Variants in CCDC102B observed in about 807,000 individuals in gnomAD.
CCDC102B encodes coiled-coil domain containing 102B, also known as coiled-coil domain-containing protein 102B.
Under a neutral mutation model 57.4 loss-of-function variants are expected in CCDC102B, and 75 were observed. The ratio of observed to expected loss-of-function variants is 1.31; its 90% CI spans 1.08 to 1.58. The LOEUF (loss-of-function observed/expected upper bound fraction) is 1.58, where lower values mean the gene tolerates loss of function less well. Ranked by LOEUF, CCDC102B falls within the 40% of genes most tolerant of loss-of-function variation. CCDC102B has a pLI of 0.00. For missense variants in CCDC102B, 636 were observed against 582.6 expected, an observed-to-expected ratio of 1.09 and a Z score of -0.94; for synonymous variants, 206 against 201.9, an observed-to-expected ratio of 1.02 and a Z score of -0.17.
At chr18:68,785,231 T>C (rs2035158906) in intron 2 of CCDC102B, among the ~76,000 whole-genome samples, 1 of 152,076 alleles carries the variant, frequency 6.6e-6, no homozygotes. Context: ...CTATCATTGT[T>C]GGACATTTGG....
At chr18:68,847,055 G>C (rs1439986626) in intron 4 of CCDC102B, among the ~76,000 whole-genome samples, 1 of 151,672 alleles carries the variant, frequency 6.6e-6, no homozygotes, top group Non-Finnish European at 1.5e-5. Flanking sequence ...GTGTATTAAA[G>C]CATGGTATTA....
At chr18:69,050,161 G>A (rs764635906) in intron 7 of CCDC102B, among the ~76,000 whole-genome samples, 1 of 150,442 alleles carries the variant, frequency 6.6e-6, no homozygotes, top group Non-Finnish European at 1.5e-5. Context: ...AGTGTTGAAG[G>A]AGCAAATTAC....
Position 68,841,371 on chromosome 18 carries a change from C to T in CCDC102B, c.827+2445C>T, listed in dbSNP as rs181324726. On this transcript the variant is annotated intron_variant, in intron 3 of 7. Transcript: ENST00000360242. ...ATGAAACTTTATAGTTTTCTTTGCA[C>T]TCTGAGTACTGTTCAGTTTTATGAA... 2.6e-4 allele frequency among the ~76,000 whole-genome samples: 40 copies of T among 152,232 alleles called. 1 individual carries two copies. The highest frequency in any genetic ancestry group is 2.4e-3 in the Admixed American group (36 of 15,288).
intron 3 of CCDC102B, among the ~76,000 whole-genome samples, chr18:68,845,474 A>G (rs1316712712): frequency 6.6e-6 from 1 of 151,836 alleles, no homozygotes; most frequent in East Asian, 1.9e-4. Flanking sequence ...ATCTCTGCTA[A>G]TATCTCATTG....
chr18:69,001,136 G>T lies in CCDC102B; in HGVS notation c.1264-9798G>T, dbSNP rs115444590. ...ATGTGCTGCTATTTCTGCCCAGAGA[G>T]ACTTCCTCTCAATCATTCCTCTTCA... On this transcript the variant is annotated intron_variant, in intron 6 of 7. Coordinates refer to ENST00000360242, the MANE Select transcript of CCDC102B (RefSeq NM_024781.3). Among the ~76,000 whole-genome samples, 773 of 152,174 alleles carry T rather than the reference G, an allele frequency of 5.1e-3. 12 individuals are homozygous for T. The highest frequency in any genetic ancestry group is 0.017 in the African/African-American group (701 of 41,508).
intron 6 of CCDC102B, among the ~76,000 whole-genome samples, chr18:68,905,213 A>T (rs2040582606): frequency 1.7e-5 from 1 of 58,428 alleles, no homozygotes; most frequent in Non-Finnish European, 3.7e-5. Context: ...TATATTTAAT[A>T]AAATACCATA....
chr18:68,764,784 A>G (rs564281855), intron 2 of CCDC102B, among the ~76,000 whole-genome samples: 1 of 152,028 alleles, frequency 6.6e-6, no homozygotes, highest in East Asian at 1.9e-4. Context: ...TGACATAATA[A>G]GAAAATAATG....
rs191199488 is a variant in CCDC102B at position 68,731,628 on chromosome 18, A to G, written c.-67+15034A>G. Among the ~76,000 whole-genome samples the G allele has an allele frequency of 1.4e-4, 21 of 151,374 alleles. No individual in the cohort carries two copies. In the East Asian group the frequency reaches 2.5e-3, roughly 18 times the overall value. On this transcript the variant is annotated intron_variant, in intron 2 of 3. Coordinates refer to the CCDC102B transcript ENST00000578970. The stretch of plus-strand genomic sequence containing the variant: ...AACAATTTTATATATGTATGTATAC[A>G]TATATAATATAATATAAACAATTTT...
chr18:68,842,425 C>T (rs777746646), intron 3 of CCDC102B, among the ~76,000 whole-genome samples: 4 of 151,752 alleles, frequency 2.6e-5, no homozygotes, highest in Non-Finnish European at 2.9e-5. Context: ...TTTGGCAATT[C>T]ACTGCCAAAT....
exon 1 of CCDC102B, chr18:68,715,292 A>G (rs2031873076): frequency 8.1e-7 from 1 of 1,237,568 alleles, no homozygotes; most frequent in Non-Finnish European, 1.0e-6. Flanking sequence ...TTACTAGGGA[A>G]AACGGTGCTG....
intron 1 of CCDC102B, among the ~76,000 whole-genome samples, chr18:68,804,195 G>A (rs2035952095): frequency 6.6e-6 from 1 of 152,186 alleles, no homozygotes; most frequent in Non-Finnish European, 1.5e-5. Flanking sequence ...AAGGAATCAA[G>A]GGTAACCCCT....
intron 1 of CCDC102B, among the ~76,000 whole-genome samples, chr18:68,810,676 C>G (rs61215291): frequency 0.31 from 17,948 of 57,042 alleles, 1,828 homozygotes; most frequent in Middle Eastern, 0.43. Flanking sequence ...CTTTTCTTTT[C>G]TTTGTTTTTT....
intron 2 of CCDC102B, among the ~76,000 whole-genome samples, chr18:68,790,632 G>GAACT (rs2035419986): frequency 6.6e-6 from 1 of 152,160 alleles, no homozygotes; most frequent in Admixed American, 6.5e-5. Flanking sequence ...CTCGGAAAGG[G>GAACT]AACTCCCTGA....
At chr18:68,805,527 T>C (rs1000601564) in intron 1 of CCDC102B, among the ~76,000 whole-genome samples, 6 of 151,970 alleles carry the variant, frequency 3.9e-5, no homozygotes, top group Admixed American at 1.3e-4. Flanking sequence ...GAGCACAGAA[T>C]AGGGAGGAGA....
intron 3 of CCDC102B, among the ~76,000 whole-genome samples, chr18:68,844,689 T>C (rs2144812180): frequency 6.6e-6 from 1 of 151,952 alleles, no homozygotes; most frequent in East Asian, 1.9e-4. Flanking sequence ...TTTGTACATA[T>C]ACTTTCTAAA....
intron 7 of CCDC102B, among the ~76,000 whole-genome samples, chr18:69,023,166 C>G (rs2051893780): frequency 6.6e-6 from 1 of 152,114 alleles, no homozygotes; most frequent in Admixed American, 6.5e-5. Context: ...ATCTGGAGGT[C>G]AGCTCTGACA....
At chr18:68,807,856 A>T (rs569720126) in intron 1 of CCDC102B, among the ~76,000 whole-genome samples, 1 of 152,270 alleles carries the variant, frequency 6.6e-6, no homozygotes, top group Admixed American at 6.5e-5. Flanking sequence ...GAAAACCAGA[A>T]ATATAAACAC....
intron 7 of CCDC102B, among the ~76,000 whole-genome samples, chr18:69,029,726 A>G (rs2052088141): frequency 6.6e-6 from 1 of 152,214 alleles, no homozygotes; most frequent in Non-Finnish European, 1.5e-5. Flanking sequence ...TTGATAGGTT[A>G]AAAAGGGCAG....
chr18:68,747,081 G>A (rs2033648676), intron 2 of CCDC102B, among the ~76,000 whole-genome samples: 1 of 151,798 alleles, frequency 6.6e-6, no homozygotes, highest in Non-Finnish European at 1.5e-5. Flanking sequence ...CTTGGTGTTG[G>A]GAATATTCAA....
Sources: gnomAD v4.1 joint callset for allele counts (sites outside exome capture counted in the v4.1 genomes callset) on GRCh38, gnomAD v4.1.1 for gene constraint, MANE v1.5 for transcripts, NCBI Gene and HGNC (gene_info 2026-07-23, HGNC 2026-07-21) for gene names.